The following GRAMD1B variants were observed in gnomAD, a reference collection of about 807,000 sequenced individuals.
GRAMD1B encodes GRAM domain containing 1B.
GRAMD1B carries 37 observed loss-of-function variants against 99.7 expected under a neutral mutation model. The ratio of observed to expected loss-of-function variants is 0.37; its 90% CI spans 0.29 to 0.49. GRAMD1B has a LOEUF of 0.49. GRAMD1B is among the 20% of genes least tolerant of loss of function. The probability of loss-of-function intolerance (pLI) is 0.98; values close to 1 mark genes in which losing one functional copy is unlikely to be tolerated. For synonymous variants in GRAMD1B, 427 were observed against 387.6 expected, an observed-to-expected ratio of 1.10 and a Z score of -1.19; for missense variants, 888 against 1,009.2, an observed-to-expected ratio of 0.88 and a Z score of 1.63.
At chr11:123,620,504 G>GAATCTT (rs1349638361) in intron 19 of GRAMD1B, among the ~76,000 whole-genome samples, 2 of 126,824 alleles carry the variant, frequency 1.6e-5, no homozygotes, top group Non-Finnish European at 3.4e-5. Context: ...AAAGGGAAAA[G>GAATCTT]AATCTTAATG....
At chr11:123,502,275 T>A (rs1442199695) in intron 2 of GRAMD1B, among the ~76,000 whole-genome samples, 1 of 152,146 alleles carries the variant, frequency 6.6e-6, no homozygotes, top group Non-Finnish European at 1.5e-5. Flanking sequence ...CCATCCTAAC[T>A]CTTCTTTCAT....
chr11:123,563,497 G>A (rs561537806), intron 2 of GRAMD1B, among the ~76,000 whole-genome samples: 2 of 151,914 alleles, frequency 1.3e-5, no homozygotes, highest in Non-Finnish European at 2.9e-5. Context: ...ATATAACAGA[G>A]GGTTTTTTCT....
intron 1 of GRAMD1B, among the ~76,000 whole-genome samples, chr11:123,424,792 A>T (rs1948590371): frequency 6.6e-6 from 1 of 152,124 alleles, no homozygotes; most frequent in Non-Finnish European, 1.5e-5. Flanking sequence ...TTTGCACTTA[A>T]TTAATTCTGC....
chr11:123,578,320 C>A, intron 3 of GRAMD1B: 1 of 1,113,990 alleles, frequency 9.0e-7, no homozygotes, highest in Non-Finnish European at 1.3e-6. Context: ...AGCTGGCTTC[C>A]CACTTGAATT....
At chr11:123,544,701 C>A (rs1591918607) in intron 2 of GRAMD1B, among the ~76,000 whole-genome samples, 1 of 152,230 alleles carries the variant, frequency 6.6e-6, no homozygotes, top group Admixed American at 6.5e-5. Flanking sequence ...CATCCAGGTG[C>A]CCTGCCTTCT....
intron 1 of GRAMD1B, among the ~76,000 whole-genome samples, chr11:123,406,703 G>A (rs1216487788): frequency 6.6e-6 from 1 of 152,188 alleles, no homozygotes; most frequent in Non-Finnish European, 1.5e-5. Flanking sequence ...TGACAATGAA[G>A]ACTTCCAGCC....
chr11:123,374,436 A>T (rs1946627525), intron 1 of GRAMD1B, among the ~76,000 whole-genome samples: 1 of 152,184 alleles, frequency 6.6e-6, no homozygotes, highest in Admixed American at 6.5e-5. Flanking sequence ...TCTCTCAAAC[A>T]TGGGTATCAT....
At chr11:123,550,971 G>T (rs1591955253) in intron 2 of GRAMD1B, among the ~76,000 whole-genome samples, 1 of 152,182 alleles carries the variant, frequency 6.6e-6, no homozygotes, top group Admixed American at 6.5e-5. Flanking sequence ...GTCTTCAGTT[G>T]GAAAGGGACT....
chr11:123,619,627 T>A, intron 19 of GRAMD1B: 6 of 656,634 alleles, frequency 9.1e-6, no homozygotes, highest in Non-Finnish European at 1.1e-5. Context: ...CGCCCCCTCC[T>A]CTGACAGTCA....
intron 1 of GRAMD1B, among the ~76,000 whole-genome samples, chr11:123,417,944 T>A (rs534236464): frequency 2.3e-4 from 35 of 152,194 alleles, no homozygotes; most frequent in African/African-American, 6.7e-4. Flanking sequence ...AAATTATTTT[T>A]TGTAGAGATC....
intron 1 of GRAMD1B, among the ~76,000 whole-genome samples, chr11:123,437,983 A>T (rs533777193): frequency 1.4e-4 from 21 of 152,284 alleles, no homozygotes; most frequent in African/African-American, 4.8e-4. Flanking sequence ...GAGAAAACTC[A>T]TGTCCTTCTT....
At chr11:123,589,616 A>T (rs974616283) in intron 4 of GRAMD1B, among the ~76,000 whole-genome samples, 12 of 136,208 alleles carry the variant, frequency 8.8e-5, no homozygotes, top group Middle Eastern at 7.3e-3. Flanking sequence ...GCTAATTTTT[A>T]TATATATATA....
intron 7 of GRAMD1B, among the ~76,000 whole-genome samples, chr11:123,599,621 C>T (rs539112984): frequency 6.6e-6 from 1 of 152,296 alleles, no homozygotes; most frequent in East Asian, 1.9e-4. Flanking sequence ...TACAGGCACT[C>T]ACCACCACGC....
At chr11:123,487,155 T>C (rs1246277670) in intron 2 of GRAMD1B, among the ~76,000 whole-genome samples, 2 of 152,202 alleles carry the variant, frequency 1.3e-5, no homozygotes, top group Non-Finnish European at 1.5e-5. Flanking sequence ...TTAAATATAT[T>C]CCTCTCAACA....
intron 2 of GRAMD1B, among the ~76,000 whole-genome samples, chr11:123,512,551 C>T (rs1941134035): frequency 6.6e-6 from 1 of 151,984 alleles, no homozygotes; most frequent in African/African-American, 2.4e-5. Flanking sequence ...TTTTTATTTT[C>T]TACAAAAAAT....
At chr11:123,435,701 T>C (rs1477163507) in intron 1 of GRAMD1B, 6 of 410,866 alleles carry the variant, frequency 1.5e-5, no homozygotes, top group African/African-American at 8.0e-5. Flanking sequence ...AAATGATTCC[T>C]TTTTCTCTAC....
At chr11:123,598,737 T>C (rs1951591251) in intron 7 of GRAMD1B, 2 of 902,294 alleles carry the variant, frequency 2.2e-6, no homozygotes, top group South Asian at 2.6e-5. Context: ...GGCTCCAGCC[T>C]GCGTCAGAGC....
At chr11:123,471,792 C>A (rs11219161) in intron 1 of GRAMD1B, among the ~76,000 whole-genome samples, 15,770 of 152,172 alleles carry the variant, frequency 0.1, 1,204 homozygotes, top group East Asian at 0.39. Flanking sequence ...CCCCCAGAAT[C>A]ATTTTTAAGC....
intron 1 of GRAMD1B, among the ~76,000 whole-genome samples, chr11:123,388,615 A>G (rs377405534): frequency 3.3e-5 from 5 of 152,266 alleles, no homozygotes; most frequent in Middle Eastern, 3.4e-3. Flanking sequence ...TTGAAGCTGC[A>G]GTGAGCTAAG....
Sources: gnomAD v4.1 joint callset for allele counts (sites outside exome capture counted in the v4.1 genomes callset) on GRCh38, gnomAD v4.1.1 for gene constraint, MANE v1.5 for transcripts, NCBI Gene and HGNC (gene_info 2026-07-23, HGNC 2026-07-21) for gene names.